The following VIT variants were observed in gnomAD, a reference collection of about 807,000 sequenced individuals.
VIT encodes vitrin.
VIT carries 99 observed loss-of-function variants against 78.0 expected under a neutral mutation model. The ratio of observed to expected loss-of-function variants is 1.27; its 90% CI spans 1.08 to 1.50. The LOEUF (loss-of-function observed/expected upper bound fraction) is 1.50. Ranked by LOEUF, VIT falls within the 40% of genes most tolerant of loss-of-function variation. The pLI is 0.00. For missense variants in VIT, 1,126 were observed against 875.3 expected, an observed-to-expected ratio of 1.29 and a Z score of -3.61; for synonymous variants, 374 against 334.3, an observed-to-expected ratio of 1.12 and a Z score of -1.29.
chr2:36,757,760 T>C (rs1668857299), intron 5 of VIT, among the ~76,000 whole-genome samples: 1 of 152,234 alleles, frequency 6.6e-6, no homozygotes, highest in Admixed American at 6.5e-5. Context: ...CATTTTAACA[T>C]TTTTTCCATT....
intron 2 of VIT, among the ~76,000 whole-genome samples, chr2:36,729,149 C>T (rs571875803): frequency 1.4e-4 from 21 of 152,146 alleles, no homozygotes; most frequent in African/African-American, 5.1e-4. Context: ...AGGTTTTTGA[C>T]CTAAGAGGCA....
intron 1 of VIT, among the ~76,000 whole-genome samples, chr2:36,703,021 C>G (rs973562435): frequency 6.6e-6 from 1 of 152,120 alleles, no homozygotes; most frequent in Non-Finnish European, 1.5e-5. Flanking sequence ...ACAGAGAGTT[C>G]TGATTGCCAC....
intron 13 of VIT, among the ~76,000 whole-genome samples, chr2:36,802,809 G>A (rs138602012): frequency 9.1e-4 from 139 of 152,300 alleles, no homozygotes; most frequent in Middle Eastern, 6.8e-3. Flanking sequence ...GGGTTCTGAG[G>A]ACAGAATCCG....
At chr2:36,750,558 C>T (rs1015966671) in intron 4 of VIT, among the ~76,000 whole-genome samples, 1 of 152,150 alleles carries the variant, frequency 6.6e-6, no homozygotes, top group African/African-American at 2.4e-5. Context: ...TGCGGTGGCT[C>T]ACACCTGTAA....
chr2:36,723,442 C>A (rs1328967085), intron 2 of VIT, among the ~76,000 whole-genome samples: 1 of 152,164 alleles, frequency 6.6e-6, no homozygotes, highest in Non-Finnish European at 1.5e-5. Flanking sequence ...TTCAGGGAAG[C>A]CCTAATCTCA....
intron 6 of VIT, chr2:36,759,729 G>A (rs1441364282): frequency 2.9e-5 from 27 of 919,024 alleles, no homozygotes; most frequent in Admixed American, 6.0e-5. Flanking sequence ...AATACATTAT[G>A]AGCCTGATAG....
chr2:36,810,545 G>A (rs1390563858), intron 15 of VIT, among the ~76,000 whole-genome samples: 2 of 151,964 alleles, frequency 1.3e-5, no homozygotes, highest in Non-Finnish European at 2.9e-5. Context: ...AAACCAAGTA[G>A]TCAATGAACA....
intron 9 of VIT, among the ~76,000 whole-genome samples, chr2:36,779,724 C>T (rs948046098): frequency 1.3e-5 from 2 of 152,188 alleles, no homozygotes; most frequent in Non-Finnish European, 2.9e-5. Flanking sequence ...AGTATTAGAA[C>T]CAACACTTCT....
At chr2:36,711,454 G>A (rs1665791773) in intron 1 of VIT, among the ~76,000 whole-genome samples, 1 of 152,198 alleles carries the variant, frequency 6.6e-6, no homozygotes, top group Non-Finnish European at 1.5e-5. Context: ...GAAGGGTGCA[G>A]GATCAGGAGC....
At chr2:36,759,304 T>A in intron 6 of VIT, 1 of 1,447,478 alleles carries the variant, frequency 6.9e-7, no homozygotes, top group East Asian at 2.5e-5. Flanking sequence ...TCAGATTGAC[T>A]GTTGCCTTGA....
intron 4 of VIT, among the ~76,000 whole-genome samples, chr2:36,754,051 G>A (rs972531333): frequency 2.6e-5 from 4 of 152,326 alleles, no homozygotes; most frequent in East Asian, 1.9e-4. Flanking sequence ...GACACCACAC[G>A]TTGAGAACAG....
At chr2:36,791,206 T>A (rs1350639935) in intron 12 of VIT, among the ~76,000 whole-genome samples, 1 of 152,128 alleles carries the variant, frequency 6.6e-6, no homozygotes, top group South Asian at 2.1e-4. Context: ...TGTGGTTTAG[T>A]GAGTGGCTCT....
intron 15 of VIT, among the ~76,000 whole-genome samples, chr2:36,809,540 C>T (rs1345911578): frequency 7.9e-5 from 12 of 152,188 alleles, no homozygotes; most frequent in Non-Finnish European, 1.5e-4. Flanking sequence ...GCCTCAGCCT[C>T]CCAAGTAGCT....
chr2:36,763,867 G>A (rs1669267432), intron 6 of VIT, among the ~76,000 whole-genome samples: 1 of 152,118 alleles, frequency 6.6e-6, no homozygotes, highest in Admixed American at 6.5e-5. Flanking sequence ...AGGATTACAG[G>A]CGTCTATCTT....
chr2:36,731,343 G>A (rs548466820), intron 3 of VIT, among the ~76,000 whole-genome samples: 16 of 152,056 alleles, frequency 1.1e-4, no homozygotes, highest in South Asian at 1.0e-3. Flanking sequence ...GCGCAATCTC[G>A]GCTAACTGCG....
chr2:36,797,536 G>A (rs1172945392), intron 12 of VIT, among the ~76,000 whole-genome samples: 3 of 152,196 alleles, frequency 2.0e-5, no homozygotes, highest in Non-Finnish European at 4.4e-5. Context: ...ATGGGGAGAT[G>A]GGTGGTTGGG....
chr2:36,754,088 G>A (rs1463991158), intron 4 of VIT, among the ~76,000 whole-genome samples: 1 of 152,228 alleles, frequency 6.6e-6, no homozygotes, highest in African/African-American at 2.4e-5. Context: ...TGCTTTACAT[G>A]TTGAGTAGTA....
At chr2:36,780,603 T>C (rs1312412843) in intron 9 of VIT, among the ~76,000 whole-genome samples, 1 of 152,208 alleles carries the variant, frequency 6.6e-6, no homozygotes, top group East Asian at 1.9e-4. Flanking sequence ...ATGACCGAAC[T>C]AGATTAAACT....
At chr2:36,729,074 G>A (rs933092064) in intron 2 of VIT, among the ~76,000 whole-genome samples, 6 of 151,800 alleles carry the variant, frequency 4.0e-5, no homozygotes, top group Non-Finnish European at 7.4e-5. Flanking sequence ...GATATATTTC[G>A]ATACATAAAT....
Sources: gnomAD v4.1 joint callset for allele counts (sites outside exome capture counted in the v4.1 genomes callset) on GRCh38, gnomAD v4.1.1 for gene constraint, MANE v1.5 for transcripts, NCBI Gene and HGNC (gene_info 2026-07-23, HGNC 2026-07-21) for gene names.